CHLSN: variants seen among roughly 807,000 people sequenced by gnomAD.
CHLSN encodes protein cholesin.
At chr7:999,428 T>TGC in the CHLSN span, among the ~76,000 whole-genome samples, 1,208 of 151,774 alleles carry the variant, frequency 8.0e-3, 16 homozygotes, top group African/African-American at 0.028. Context: ...CAATAGGGCT[T>TGC]ACAATCGGCT....
the CHLSN span, chr7:988,924 G>A: frequency 8.0e-6 from 6 of 753,662 alleles, no homozygotes; most frequent in Non-Finnish European, 1.3e-5. Context: ...CTCTGGGAGG[G>A]CCCTGAGGAC....
chr7:1,055,342 A>C, the CHLSN span: 16 of 470,874 alleles, frequency 3.4e-5, no homozygotes, highest in Middle Eastern at 3.2e-4. Context: ...CGCGCTGCTG[A>C]TAAGAGCCTG....
At chr7:994,274 C>G in the CHLSN span, among the ~76,000 whole-genome samples, 5 of 152,290 alleles carry the variant, frequency 3.3e-5, no homozygotes, top group Admixed American at 2.6e-4. Context: ...TCTCCTGACT[C>G]AGCCTCCTGA....
the CHLSN span, among the ~76,000 whole-genome samples, chr7:1,072,302 A>G: frequency 6.6e-6 from 1 of 152,152 alleles, no homozygotes; most frequent in Non-Finnish European, 1.5e-5. Context: ...GAGGGCACGG[A>G]AAACGTCCAA....
At chr7:1,069,495 G>A in the CHLSN span, among the ~76,000 whole-genome samples, 88 of 139,418 alleles carry the variant, frequency 6.3e-4, no homozygotes, top group Admixed American at 1.1e-3. Flanking sequence ...GAGTGCCTGC[G>A]ATTGCAGGCA....
At chr7:1,066,257 G>GACGATC in the CHLSN span, among the ~76,000 whole-genome samples, 17,428 of 152,028 alleles carry the variant, frequency 0.11, 1,218 homozygotes, top group Middle Eastern at 0.26. Flanking sequence ...GAAAAATACC[G>GACGATC]ACAAACGCAG....
At chr7:1,070,485 G>A in the CHLSN span, among the ~76,000 whole-genome samples, 3 of 150,436 alleles carry the variant, frequency 2.0e-5, no homozygotes, top group South Asian at 2.1e-4. Context: ...ATACGCACAC[G>A]GGCACACGAA....
the CHLSN span, among the ~76,000 whole-genome samples, chr7:1,016,262 C>T: frequency 1.5e-5 from 1 of 65,848 alleles, no homozygotes; most frequent in African/African-American, 1.2e-4. Flanking sequence ...CACGCCAGCA[C>T]ACAGCAGCGC....
chr7:989,226 G>A, the CHLSN span: 2 of 209,872 alleles, frequency 9.5e-6, no homozygotes, highest in South Asian at 1.5e-4. Flanking sequence ...CTCAGCGTGC[G>A]AGCCCTGCAC....
chr7:1,016,662 CGCACAGCA>C, the CHLSN span, among the ~76,000 whole-genome samples: 3 of 58,542 alleles, frequency 5.1e-5, no homozygotes, highest in African/African-American at 2.5e-4. Flanking sequence ...CACACAGCAG[CGCACAGCA>C]GCACACGCCA....
chr7:987,184 G>C, the CHLSN span: 6 of 1,558,460 alleles, frequency 3.8e-6, no homozygotes, highest in African/African-American at 8.2e-5. Flanking sequence ...CCGGGACGGA[G>C]ACGACCTCGG....
At chr7:1,028,817 G>T in the CHLSN span, 1 of 747,708 alleles carries the variant, frequency 1.3e-6, no homozygotes. Context: ...TGACTCCATG[G>T]CCCCCATCTC....
the CHLSN span, among the ~76,000 whole-genome samples, chr7:1,023,854 C>T: frequency 6.6e-6 from 1 of 152,146 alleles, no homozygotes; most frequent in African/African-American, 2.4e-5. This position sits in a 1 kb window ranked among gnomAD's most constrained non-coding sequence, Gnocchi z 5.0. Context: ...CAGCCCTTTC[C>T]TTTTGATACA....
the CHLSN span, chr7:1,028,345 A>G: frequency 4.9e-6 from 5 of 1,016,448 alleles, no homozygotes; most frequent in Middle Eastern, 5.0e-4. Flanking sequence ...CCGCGCCTCC[A>G]GCAGCCTCAG....
At chr7:992,529 C>G in the CHLSN span, among the ~76,000 whole-genome samples, 1 of 152,242 alleles carries the variant, frequency 6.6e-6, no homozygotes, top group Non-Finnish European at 1.5e-5. Context: ...CACCGCTCAA[C>G]CACACCCACA....
At chr7:1,102,179 G>A in the CHLSN span, among the ~76,000 whole-genome samples, 1 of 152,196 alleles carries the variant, frequency 6.6e-6, no homozygotes, top group Non-Finnish European at 1.5e-5. Context: ...ACAAAAAAAC[G>A]GCAAAACACA....
chr7:1,127,359 A>C, the CHLSN span: 1 of 1,608,066 alleles, frequency 6.2e-7, no homozygotes, highest in Non-Finnish European at 8.5e-7. Context: ...CTGTCACTTC[A>C]GGAACTTTTC....
At chr7:1,004,692 T>A in the CHLSN span, among the ~76,000 whole-genome samples, 7 of 152,124 alleles carry the variant, frequency 4.6e-5, no homozygotes, top group African/African-American at 1.4e-4. Context: ...GCCTCCTGAG[T>A]GATGGCCGCC....
At chr7:1,128,071 G>C in the CHLSN span, among the ~76,000 whole-genome samples, 6 of 20,456 alleles carry the variant, frequency 2.9e-4, no homozygotes, top group African/African-American at 1.6e-3. Flanking sequence ...GCAGTGGCGC[G>C]ATCTCGGCTC....
Sources: gnomAD v4.1 joint callset for allele counts (sites outside exome capture counted in the v4.1 genomes callset) on GRCh38, gnomAD v4.1.1 for gene constraint, Gnocchi (gnomAD v3.1) non-coding constraint, MANE v1.5 for transcripts, NCBI Gene and HGNC (gene_info 2026-07-23, HGNC 2026-07-21) for gene names.